The following DNAH1 variants were observed in gnomAD, a reference collection of about 807,000 sequenced individuals.
DNAH1 encodes the protein dynein axonemal heavy chain 1.
A neutral mutation model predicts 484.3 loss-of-function variants in DNAH1; 327 were observed. That is an observed-to-expected ratio of 0.68 (90% confidence interval 0.62 to 0.74). The LOEUF is 0.74. Among genes scored for constraint, DNAH1 ranks in the 30% least tolerant of loss-of-function variants. The pLI, the probability that DNAH1 is intolerant of heterozygous loss-of-function variation, is 0.00. For missense variants in DNAH1, 5,052 were observed against 5,546.8 expected, an observed-to-expected ratio of 0.91 and a Z score of 2.83; for synonymous variants, 2,192 against 2,191.9, an observed-to-expected ratio of 1.00 and a Z score of 0.00.
At chr3:52,346,864 C>T (rs561632881) in intron 11 of DNAH1, 94 bp downstream of exon 11, 16 of 1,367,622 alleles carry the variant, frequency 1.2e-5, no homozygotes, top group Non-Finnish European at 1.6e-5. Flanking sequence ...CCAGGGTGCC[C>T]ATCCATGCCA....
rs1559524880 is a variant in DNAH1 at position 52,357,934 on chromosome 3, C to T, written c.4017C>T (p.Ile1339=). 6.2e-7 allele frequency: 1 copy of T among 1,613,150 alleles called. No individual in the cohort carries two copies. The highest frequency in any genetic ancestry group is 1.7e-5 in the Admixed American group (1 of 60,004). The change falls in exon 24 of 78, where the codon ATC becomes ATT. Residue 1339 remains isoleucine (I), a synonymous_variant. Coordinates refer to ENST00000420323, the MANE Select transcript of DNAH1 (RefSeq NM_015512.5). ...YFLSDDELLE[I]LSQTKDPTAV... ...TGTCAGATGATGAACTACTAGAGAT[C>T]TTGTCGCAGACAAAGGACCCCACGG...
Position 52,396,600 on chromosome 3 carries a change from GC to G in DNAH1, c.11431-16del, listed in dbSNP as rs1336779639. On this transcript the variant is annotated splice_polypyrimidine_tract_variant and intron_variant, in intron 71 of 77. Coordinates refer to ENST00000420323, the MANE Select transcript of DNAH1 (RefSeq NM_015512.5). ...CCCGTCCCCGCTCCTCACCTCCCCT[GC>G]CTCCCACCTCCCCCAGGTGATGGAG... The G allele has an allele frequency of 6.2e-7, 1 of 1,610,180 alleles. No homozygotes were observed. The highest frequency in any genetic ancestry group is 1.3e-5 in the African/African-American group (1 of 74,888).
Position 52,347,837 on chromosome 3 carries a change from C to A in DNAH1, c.1969C>A (p.Pro657Thr). 3 of 1,593,140 alleles carry A rather than the reference C, an allele frequency of 1.9e-6. 1 individual carries two copies. Among genetic ancestry groups the A allele is most frequent in the South Asian group, 2.3e-5 (2 of 87,918 alleles). ...INSPYRPRKNPLFIMDLVLDS... is the reference protein window; with the variant it reads ...INSPYRPRKNTLFIMDLVLDS... ...CATTGCCTGCAGGCCCCGGAAGAAT[C>A]CCCTGTTCATCATGGACCTGGTGCT... The change falls in exon 12 of 78, where the codon CCC (proline) becomes ACC (threonine). Residue 657 changes from proline (P) to threonine (T), a missense_variant. Physicochemically the swap from Pro to Thr is conservative, Grantham distance 38. This residue lies in a region of DNAH1 where 1,263 missense variants were observed against 1,218.8 expected (regional missense o/e 1.04). Transcript: ENST00000420323.
In DNAH1 at chr3:52,385,433, A is replaced by T. The variant is rs1704061193; in HGVS notation, c.8611A>T (p.Met2871Leu). 1 of 1,551,774 alleles carries T rather than the reference A, an allele frequency of 6.4e-7. No individual in the cohort carries two copies. Among genetic ancestry groups the T allele is most frequent in the South Asian group, 1.2e-5 (1 of 84,082 alleles). The change falls in exon 54 of 78, where the codon ATG (methionine) becomes TTG (leucine). Residue 2871 changes from methionine (M) to leucine (L), a missense_variant. Transcript: ENST00000420323. ...GGCTGCCAAGGACACCATGCTCACC[A>T]TGGAGCAGATCAAGGTTGGGGTGCT... is the stretch of plus-strand genomic sequence containing the variant. Reference protein sequence around the residue: ...EEAAKDTMLTMEQIKVDTAIA... With the variant: ...EEAAKDTMLTLEQIKVDTAIA...
chr3:52,370,918 AC>A, intron 41 of DNAH1, 93 bp downstream of exon 41: 1 of 1,244,728 alleles, frequency 8.0e-7, no homozygotes. Context: ...GGGAGCCGTC[AC>A]ATTGATGGCC....
Position 52,386,819 on chromosome 3 carries a change from G to A in DNAH1, c.8969G>A (p.Gly2990Asp). 2 of 1,586,718 alleles carry A rather than the reference G, an allele frequency of 1.3e-6. No individual in the cohort carries two copies. The highest frequency in any genetic ancestry group is 1.7e-6 in the Non-Finnish European group (2 of 1,167,474). Residue 2990 changes from glycine to aspartate, a missense_variant, in exon 56 of 78, where the codon GGC (glycine) becomes GAC (aspartate). Coordinates refer to ENST00000420323, the MANE Select transcript of DNAH1 (RefSeq NM_015512.5). ...EPGKGLLQDP[G>D]HFLESLFKFD... ...GGCAAGGGGCTGCTGCAGGACCCGGGCCACTTCCTTGAGAGCCTCTTCAAG... is the reference window on the plus strand; with the variant it reads ...GGCAAGGGGCTGCTGCAGGACCCGGACCACTTCCTTGAGAGCCTCTTCAAG...
Position 52,362,883 on chromosome 3 carries a change from A to C in DNAH1, c.5095-112A>C, listed in dbSNP as rs1020321439. The C allele has an allele frequency of 6.9e-6, 10 of 1,454,080 alleles. No homozygotes were observed. The African/African-American group carries it at 1.4e-4, about 20-fold the overall frequency. The allele number at this position is 1,454,080 out of a possible 1,614,324, so 90.1% of individuals were successfully genotyped here. A position where few individuals can be genotyped will look rare whatever the true frequency, so the allele number is the denominator to read the frequency against. On this transcript the variant is annotated intron_variant, in intron 31 of 77. Coordinates refer to ENST00000420323, the MANE Select transcript of DNAH1 (RefSeq NM_015512.5). This position sits in a 1 kb window ranked among gnomAD's most constrained non-coding sequence, Gnocchi z 5.1. ...GGGGAGTGAAAGCCTCAGCTGTGGC[A>C]GGCTTGGTGCAGCAGGGAGTCCCAG...
At chr3:52,378,454 G>A (rs922040653) in intron 46 of DNAH1, 148 bp from the exon 47 acceptor site, 2 of 821,752 alleles carry the variant, frequency 2.4e-6, no homozygotes, top group Non-Finnish European at 3.9e-6. Flanking sequence ...CCGAGATGGG[G>A]CCAAAGGGTA....
At position 52,399,623 on chromosome 3, in the gene DNAH1, G is replaced by A. The variant is rs765046623; in HGVS notation, c.12520G>A (p.Ala4174Thr). Residue 4174 changes from alanine (A) to threonine (T), a missense_variant, in exon 77 of 78, where the codon GCC (alanine) becomes ACC (threonine). Physicochemically the swap from Ala to Thr is moderately conservative, Grantham distance 58 (BLOSUM62 0). Coordinates refer to ENST00000420323, the MANE Select transcript of DNAH1 (RefSeq NM_015512.5). ...TATCCATGGATTATTCCTGGAAGGT[G>A]CCCGCTGGGATCCAGAGGCCTTCCA... ...CYIHGLFLEGARWDPEAFQLA... is the reference protein window; with the variant it reads ...CYIHGLFLEGTRWDPEAFQLA... 1 of 1,614,010 alleles carries A rather than the reference G, an allele frequency of 6.2e-7. No homozygotes were observed. Among genetic ancestry groups the A allele is most frequent in the East Asian group, 2.2e-5 (1 of 44,894 alleles).
At chr3:52,394,440 T>C in intron 66 of DNAH1, 25 bp from the exon 67 acceptor site, 3 of 1,612,364 alleles carry the variant, frequency 1.9e-6, no homozygotes, top group Non-Finnish European at 2.5e-6. Context: ...GGCCTGGGCA[T>C]CAGCCTCCTC....
At position 52,388,801 on chromosome 3, in the gene DNAH1, T is replaced by A. The variant is rs770535452; in HGVS notation, c.9364-5T>A. 1 of 1,613,086 alleles carries A rather than the reference T, an allele frequency of 6.2e-7. No homozygotes were observed. On this transcript the variant is annotated splice_region_variant and splice_polypyrimidine_tract_variant and intron_variant, in intron 58 of 77. Coordinates refer to ENST00000420323, the MANE Select transcript of DNAH1 (RefSeq NM_015512.5). ...AGAGCCCACCCCACGGGGCTGCCCC[T>A]CCAGCTCATCAACGGGCTGTCGGAT...
intron 44 of DNAH1, chr3:52,374,935 T>C: frequency 1.6e-6 from 1 of 606,310 alleles, no homozygotes; most frequent in South Asian, 1.6e-5. Flanking sequence ...CTTGAAATGT[T>C]TTTATAAGAT....
rs1378519445 is a variant in DNAH1 at position 52,349,323 on chromosome 3, C to T, written c.2429C>T (p.Thr810Ile). 2 of 1,613,992 alleles carry T rather than the reference C, an allele frequency of 1.2e-6. No individual in the cohort carries two copies. Among genetic ancestry groups the T allele is most frequent in the Non-Finnish European group, 1.7e-6 (2 of 1,179,898 alleles). Residue 810 changes from threonine to isoleucine, a missense_variant, in exon 14 of 78, where the codon ACC becomes ATC. Thr to Ile is a moderately conservative substitution (Grantham distance 89). Coordinates refer to ENST00000420323, the MANE Select transcript of DNAH1 (RefSeq NM_015512.5). ...SIIIGPFYIN[T>I]DNVKQSLSKK... is the part of the protein sequence containing the mutation. ...ATCATTGGGCCTTTCTACATCAACA[C>T]CGACAATGTCAAGCAGAGCCTGTCC...
At chr3:52,319,854 C>T (rs960888427) in intron 1 of DNAH1, among the ~76,000 whole-genome samples, 1 of 152,196 alleles carries the variant, frequency 6.6e-6, no homozygotes, top group African/African-American at 2.4e-5. Flanking sequence ...GCAGCTCACT[C>T]TCACACCTTC....
intron 52 of DNAH1, 99 bp downstream of exon 52, chr3:52,384,130 C>A: frequency 7.9e-7 from 1 of 1,264,750 alleles, no homozygotes; most frequent in Non-Finnish European, 1.1e-6. Flanking sequence ...CCAGGCCCAC[C>A]ACCGAGGGTA....
intron 8 of DNAH1, among the ~76,000 whole-genome samples, chr3:52,336,670 C>CTG (rs1701752801): frequency 6.6e-6 from 1 of 152,188 alleles, no homozygotes; most frequent in African/African-American, 2.4e-5. Context: ...GCTATCCCAG[C>CTG]ACCATTTATT....
chr3:52,340,932 G>A (rs1017455357), intron 8 of DNAH1, among the ~76,000 whole-genome samples: 17 of 151,870 alleles, frequency 1.1e-4, no homozygotes, highest in African/African-American at 3.4e-4. Flanking sequence ...CTAAAGGTGT[G>A]GGTTTTGGTA....
Position 52,353,493 on chromosome 3 carries a change from C to A in DNAH1, c.3340C>A (p.Leu1114Met). Residue 1114 changes from leucine (L) to methionine (M), a missense_variant, in exon 20 of 78, where the codon CTG becomes ATG. Physicochemically the swap from Leu to Met is conservative, Grantham distance 15 (BLOSUM62 2). Around this residue, in one of 4 missense-constraint regions of DNAH1, gnomAD observed 2,929 missense variants for 3,409.4 expected, o/e 0.86. Transcript: ENST00000420323. The surrounding 1 kb of genome is among the most constrained non-coding windows in gnomAD (Gnocchi z 5.0). Reference sequence around the variant, plus strand: ...CATGCGGATCCGGCACTGGGAGACACTGTCCAACCAGATCAACATCAATGT... The same window carrying A: ...CATGCGGATCCGGCACTGGGAGACAATGTCCAACCAGATCAACATCAATGT... ...PGMRIRHWET[L>M]SNQININVRP... The A allele has an allele frequency of 6.2e-7, 1 of 1,613,970 alleles. No individual in the cohort carries two copies. The highest frequency in any genetic ancestry group is 1.3e-5 in the African/African-American group (1 of 75,078).
Position 52,331,312 on chromosome 3 carries a change from A to G in DNAH1, c.1033+3A>G, listed in dbSNP as rs1267212165. ...GAATGCAGGGGTCACCACTGAAGGT[A>G]TGAGGTCCTGCCGCTGCCCCAGGCA... On this transcript the variant is annotated splice_donor_region_variant and intron_variant, in intron 7 of 77. Coordinates refer to ENST00000420323, the MANE Select transcript of DNAH1 (RefSeq NM_015512.5). The G allele has an allele frequency of 6.2e-7, 1 of 1,601,984 alleles. No individual in the cohort carries two copies. The highest frequency in any genetic ancestry group is 8.5e-7 in the Non-Finnish European group (1 of 1,174,788).
Sources: gnomAD v4.1 joint callset for allele counts (sites outside exome capture counted in the v4.1 genomes callset) on GRCh38, gnomAD v4.1.1 for gene constraint, gnomAD v4.1.1 regional missense constraint, Gnocchi (gnomAD v3.1) non-coding constraint, MANE v1.5 for transcripts, NCBI Gene and HGNC (gene_info 2026-07-23, HGNC 2026-07-21) for gene names.